The following C1orf159 variants were observed in gnomAD, a reference collection of about 807,000 sequenced individuals.
C1orf159 encodes the protein uncharacterized protein C1orf159.
Under a neutral mutation model 25.6 loss-of-function variants are expected in C1orf159, and 19 were observed. The observed-to-expected ratio is 0.74, with a 90% CI of 0.52 to 1.09. The LOEUF (loss-of-function observed/expected upper bound fraction) is 1.09. Ranked by LOEUF, C1orf159 falls within the 50% of genes least tolerant of loss-of-function variation. The pLI is 0.00. For synonymous variants in C1orf159, 139 were observed against 124.7 expected, an observed-to-expected ratio of 1.12 and a Z score of -0.77; for missense variants, 274 against 290.6, an observed-to-expected ratio of 0.94 and a Z score of 0.42.
chr1:1,084,366 C>T lies in C1orf159; in HGVS notation c.489G>A (p.Pro163=), dbSNP rs750125410. ...QPGEAAAMIP[P]PQSSVRKPRY... ...AGCTGCTGTTACCTGAGGACTGTGG[C>T]GGGGGGATCATTGCAGCCTTGAAAA... The change falls in exon 9 of 10, where the codon CCG becomes CCA. Residue 163 remains proline, a synonymous_variant. Coordinates refer to ENST00000421241, the MANE Select transcript of C1orf159 (RefSeq NM_017891.5). 25 of 1,563,026 alleles carry T rather than the reference C, an allele frequency of 1.6e-5. No homozygotes were observed. The East Asian group carries it at 2.3e-4, about 14-fold the overall frequency.
At chr1:1,108,761 C>T (rs1570338246) in intron 1 of C1orf159, among the ~76,000 whole-genome samples, 1 of 55,062 alleles carries the variant, frequency 1.8e-5, no homozygotes, top group Non-Finnish European at 3.5e-5. Flanking sequence ...TCGGCAGCAC[C>T]GTTCACCACA....
At chr1:1,083,632 T>C (rs1645779967) in intron 9 of C1orf159, 4 of 475,866 alleles carry the variant, frequency 8.4e-6, no homozygotes, top group Non-Finnish European at 1.5e-5. Flanking sequence ...AACTCTAGGA[T>C]AGTCAGATTA....
At position 1,091,458 on chromosome 1, in the gene C1orf159, AG is replaced by A. The variant is rs1392818158; in HGVS notation, c.72+13del. The A allele has an allele frequency of 1.9e-6, 3 of 1,549,548 alleles. No homozygotes were observed. Among genetic ancestry groups the A allele is most frequent in the Admixed American group, 3.9e-5 (2 of 50,996 alleles). On this transcript the variant is annotated intron_variant, in intron 3 of 9. Coordinates refer to ENST00000421241, the MANE Select transcript of C1orf159 (RefSeq NM_017891.5). ...CTGGCTTAGGCCGCGTGGACACGTG[AG>A]GGGGGCACCTACCGTGTTCTCCATG...
In C1orf159 at chr1:1,090,435, G is replaced by A. The variant is rs544923479; in HGVS notation, c.73-7C>T. 1.6e-5 allele frequency: 25 copies of A among 1,550,420 alleles called. No homozygotes were observed. The East Asian group carries it at 5.1e-4, about 32-fold the overall frequency. ...AGCACTCGGGCAGCTGGGCCTGGAG[G>A]GGACACGGCAGTGAAACTCCAGGAC... On this transcript the variant is annotated splice_region_variant and splice_polypyrimidine_tract_variant and intron_variant, in intron 3 of 9. Coordinates refer to ENST00000421241, the MANE Select transcript of C1orf159 (RefSeq NM_017891.5).
At chr1:1,111,403 C>T (rs1251709907) in intron 1 of C1orf159, among the ~76,000 whole-genome samples, 2 of 150,056 alleles carry the variant, frequency 1.3e-5, no homozygotes, top group Non-Finnish European at 3.0e-5. Flanking sequence ...GGCTTGGTGA[C>T]GTATACTTGT....
intron 1 of C1orf159, among the ~76,000 whole-genome samples, chr1:1,107,588 A>C (rs1202131653): frequency 6.6e-6 from 1 of 152,172 alleles, no homozygotes; most frequent in Non-Finnish European, 1.5e-5. Context: ...GGGATCGTAA[A>C]CGCACTAATC....
chr1:1,112,570 A>G (rs1205355911), intron 1 of C1orf159, among the ~76,000 whole-genome samples: 2 of 149,970 alleles, frequency 1.3e-5, no homozygotes, highest in Non-Finnish European at 3.0e-5. Context: ...GTGAACACAC[A>G]GCGCATGCTC....
intron 6 of C1orf159, among the ~76,000 whole-genome samples, chr1:1,086,329 A>G (rs1645830458): frequency 6.6e-6 from 1 of 152,202 alleles, no homozygotes; most frequent in Non-Finnish European, 1.5e-5. Context: ...CTCCGATTCC[A>G]GTTGCCCCTG....
intron 1 of C1orf159, among the ~76,000 whole-genome samples, chr1:1,112,539 C>A (rs1363075394): frequency 6.7e-6 from 1 of 150,058 alleles, no homozygotes; most frequent in Non-Finnish European, 1.5e-5. Context: ...GTGAACACAA[C>A]GCGCACGCTC....
chr1:1,111,806 AGCTAAT>A (rs1372328962), intron 1 of C1orf159, among the ~76,000 whole-genome samples: 34 of 152,210 alleles, frequency 2.2e-4, no homozygotes, highest in Admixed American at 6.5e-4. Flanking sequence ...GCATCCGTGT[AGCTAAT>A]GCTGGTCATC....
intron 4 of C1orf159, among the ~76,000 whole-genome samples, chr1:1,088,782 C>A (rs578003796): frequency 6.6e-6 from 1 of 152,300 alleles, no homozygotes; most frequent in Admixed American, 6.5e-5. Flanking sequence ...ACAAACGGGC[C>A]GCGGCGACAC....
intron 9 of C1orf159, chr1:1,083,212 A>C: frequency 3.9e-6 from 2 of 515,014 alleles, no homozygotes; most frequent in African/African-American, 2.0e-5. Context: ...GTGTCCTCTC[A>C]TTTACACCCT....
chr1:1,098,358 T>G (rs1339259885), intron 1 of C1orf159, among the ~76,000 whole-genome samples: 2 of 152,180 alleles, frequency 1.3e-5, no homozygotes, highest in Non-Finnish European at 1.5e-5. Flanking sequence ...TGTGAGCCAC[T>G]GCGCCTGGCC....
At chr1:1,091,635 T>C (rs897786964) in intron 2 of C1orf159, 70 bp from the exon 3 acceptor site, 1 of 1,046,768 alleles carries the variant, frequency 9.6e-7, no homozygotes, top group Non-Finnish European at 1.4e-6. Flanking sequence ...TGGGGCCAAA[T>C]GAAAGTGGGG....
chr1:1,091,433 C>G, intron 3 of C1orf159, 39 bp downstream of exon 3: 2 of 1,532,148 alleles, frequency 1.3e-6, no homozygotes, highest in African/African-American at 2.7e-5. Flanking sequence ...CACAGAGGCT[C>G]TGGCTTAGGC....
At chr1:1,090,520 C>T (rs2100749037) in intron 3 of C1orf159, 92 bp from the exon 4 acceptor site, 9 of 1,300,236 alleles carry the variant, frequency 6.9e-6, no homozygotes, top group Non-Finnish European at 5.4e-6. Flanking sequence ...CGTGGGAGCA[C>T]ATCTCAATGT....
At chr1:1,085,260 C>T (rs1055059842) in intron 7 of C1orf159, 10 of 436,144 alleles carry the variant, frequency 2.3e-5, no homozygotes, top group African/African-American at 1.4e-4. Context: ...CCTTGGGGTC[C>T]GAACTGCTGG....
intron 1 of C1orf159, among the ~76,000 whole-genome samples, chr1:1,114,083 A>C (rs559713737): frequency 6.6e-6 from 1 of 151,792 alleles, no homozygotes; most frequent in African/African-American, 2.4e-5. Context: ...TGCCCGGCTA[A>C]TTTTTGTATT....
intron 1 of C1orf159, among the ~76,000 whole-genome samples, chr1:1,107,628 C>G (rs1007662640): frequency 6.6e-6 from 1 of 152,164 alleles, no homozygotes; most frequent in South Asian, 2.1e-4. Flanking sequence ...CCAATCAGCT[C>G]TCTATAAAAT....
Sources: allele counts gnomAD v4.1 joint callset (sites outside exome capture counted in the v4.1 genomes callset), GRCh38; gene constraint gnomAD v4.1.1; transcripts MANE v1.5; gene names NCBI Gene and HGNC (gene_info 2026-07-23, HGNC 2026-07-21).